Variants in TMEM116 observed in about 807,000 individuals in gnomAD.
The protein encoded by TMEM116 is transmembrane protein 116.
In TMEM116, 38 loss-of-function variants were observed where a neutral mutation model predicts 44.3. The ratio of observed to expected loss-of-function variants is 0.86; its 90% CI spans 0.66 to 1.12. The LOEUF is 1.12. TMEM116 is among the 50% of genes most tolerant of loss of function. The probability of loss-of-function intolerance (pLI) is 0.00; values close to 1 mark genes in which losing one functional copy is unlikely to be tolerated. For synonymous variants in TMEM116, 132 were observed against 144.8 expected, an observed-to-expected ratio of 0.91 and a Z score of 0.64; for missense variants, 354 against 401.7, an observed-to-expected ratio of 0.88 and a Z score of 1.01.
Position 112,005,258 on chromosome 12 carries a change from TCA to T in TMEM116, c.11_12del (p.Leu4GlnfsTer16), listed in dbSNP as rs1300402991. The T allele has an allele frequency of 2.2e-6, 3 of 1,358,234 alleles. No individual in the cohort carries two copies. The highest frequency in any genetic ancestry group is 2.8e-6 in the Non-Finnish European group (3 of 1,061,220). The allele number at this position is 1,358,234 out of a possible 1,614,324, so 84.1% of individuals were successfully genotyped here. A position where few individuals can be genotyped will look rare whatever the true frequency, so the allele number is the denominator to read the frequency against. On this transcript the variant is annotated frameshift_variant and splice_region_variant, in exon 2 of 11. Coordinates refer to ENST00000552374, the MANE Select transcript of TMEM116 (RefSeq NM_001193531.2). LOFTEE classifies it high-confidence loss of function. MAT[L>X]SVIGSSSLIA... ...TTATATGAGATTAAATAAACATACC[TCA>T]GAGTAGCCATGACAAATTGTATCCA...
intron 5 of TMEM116, among the ~76,000 whole-genome samples, chr12:111,941,262 G>A (rs958951561): frequency 9.9e-5 from 15 of 151,968 alleles, no homozygotes; most frequent in Admixed American, 2.6e-4. Flanking sequence ...TGTAATCCTA[G>A]CTACTTGGGG....
intron 4 of TMEM116, among the ~76,000 whole-genome samples, chr12:111,949,359 A>C (rs1398588517): frequency 6.6e-6 from 1 of 152,210 alleles, no homozygotes; most frequent in East Asian, 1.9e-4. Flanking sequence ...AATGGAATAC[A>C]ATTTAAAACA....
At position 111,951,952 on chromosome 12, in the gene TMEM116, G is replaced by A. The variant is rs553524286; in HGVS notation, c.211-8583C>T. Among the ~76,000 whole-genome samples, 25 of 151,886 alleles carry A rather than the reference G, an allele frequency of 1.6e-4. No homozygotes were observed. The East Asian group carries it at 4.3e-3, about 26-fold the overall frequency. ...AGTGGCTGGGCACGGTGGCTTGGCC[G>A]GGTGCGGTGGCTCATGCCTGTAATC... On this transcript the variant is annotated intron_variant, in intron 4 of 10. Coordinates refer to ENST00000552374, the MANE Select transcript of TMEM116 (RefSeq NM_001193531.2).
chr12:111,994,627 T>C (rs2076827788), intron 3 of TMEM116, among the ~76,000 whole-genome samples: 1 of 152,186 alleles, frequency 6.6e-6, no homozygotes, highest in Non-Finnish European at 1.5e-5. Context: ...AAGTACAGTA[T>C]ACAGAGATAA....
Position 111,931,685 on chromosome 12 carries a change from C to A in TMEM116, c.950G>T (p.Ser317Ile), listed in dbSNP as rs773007569. 3.2e-5 allele frequency: 51 copies of A among 1,614,018 alleles called. No individual in the cohort carries two copies. The highest frequency in any genetic ancestry group is 4.2e-5 in the Non-Finnish European group (49 of 1,180,020). ...PLLCSQKRFY[S>I]RGLNSLESTL... is the part of the protein sequence containing the mutation. Reference sequence around the variant, plus strand: ...GGATTCCAGTGAATTTAAGCCCCTGCTATAGAATCTCTTCTGTGAGCATAA... The same window carrying A: ...GGATTCCAGTGAATTTAAGCCCCTGATATAGAATCTCTTCTGTGAGCATAA... Residue 317 changes from serine (S) to isoleucine (I), a missense_variant, in exon 11 of 11, where the codon AGC becomes ATC. Physicochemically the swap from Ser to Ile is moderately radical, Grantham distance 142. Transcript: ENST00000552374.
chr12:111,932,783 G>A (rs1224307242), intron 9 of TMEM116, 124 bp from the exon 10 acceptor site: 6 of 739,010 alleles, frequency 8.1e-6, no homozygotes, highest in Admixed American at 2.3e-5. Flanking sequence ...CATCAGTGAC[G>A]TTAACTTGTT....
intron 4 of TMEM116, among the ~76,000 whole-genome samples, chr12:111,967,636 C>A (rs978982142): frequency 6.6e-6 from 1 of 151,960 alleles, no homozygotes; most frequent in Non-Finnish European, 1.5e-5. Flanking sequence ...TTGCACCTAA[C>A]AACTATAATA....
intron 4 of TMEM116, among the ~76,000 whole-genome samples, chr12:111,944,105 A>G (rs777395163): frequency 2.0e-5 from 3 of 152,110 alleles, no homozygotes; most frequent in Non-Finnish European, 4.4e-5. Flanking sequence ...TTTTTAAAAA[A>G]TCCTTAAAAG....
chr12:111,948,502 G>C (rs2073455057), intron 4 of TMEM116, among the ~76,000 whole-genome samples: 1 of 152,164 alleles, frequency 6.6e-6, no homozygotes, highest in South Asian at 2.1e-4. Flanking sequence ...ATCAATAGTA[G>C]GTAGTCAGTA....
chr12:111,950,002 C>G lies in TMEM116; in HGVS notation c.211-6633G>C, dbSNP rs1717003354. ...TGGTAGTGCACACCTGTAGTCCCTG[C>G]TACTCAAGAGGCTGAGGCAGGAGAA... is the stretch of plus-strand genomic sequence containing the variant. On this transcript the variant is annotated intron_variant, in intron 4 of 10. Coordinates refer to ENST00000552374, the MANE Select transcript of TMEM116 (RefSeq NM_001193531.2). Among the ~76,000 whole-genome samples the G allele has an allele frequency of 2.0e-5, 3 of 152,078 alleles. No homozygotes were observed. The South Asian group carries it at 6.2e-4, about 32-fold the overall frequency.
At chr12:111,934,204 A>G (rs2071929869) in intron 8 of TMEM116, 174 bp from the exon 9 acceptor site, 1 of 736,490 alleles carries the variant, frequency 1.4e-6, no homozygotes, top group African/African-American at 1.8e-5. Context: ...AATTACCTTC[A>G]GAGTGAACTT....
chr12:111,991,425 G>A (rs1055600359), intron 4 of TMEM116, among the ~76,000 whole-genome samples: 9 of 151,094 alleles, frequency 6.0e-5, no homozygotes, highest in Non-Finnish European at 8.8e-5. Flanking sequence ...TCGGGAGGCT[G>A]AGGCAGGAGA....
chr12:111,975,807 T>C (rs1319920082), intron 4 of TMEM116, among the ~76,000 whole-genome samples: 7 of 150,534 alleles, frequency 4.7e-5, no homozygotes, highest in Non-Finnish European at 1.0e-4. Context: ...AAAAAAACAC[T>C]GAGAAAAAGT....
intron 8 of TMEM116, chr12:111,935,472 C>T (rs2072069625): frequency 6.6e-6 from 1 of 152,036 alleles, no homozygotes; most frequent in Admixed American, 6.6e-5. Context: ...TCTAAAGAAG[C>T]AATCAGGAAT....
At chr12:111,955,499 G>C (rs2074019110) in intron 4 of TMEM116, among the ~76,000 whole-genome samples, 2 of 152,198 alleles carry the variant, frequency 1.3e-5, no homozygotes, top group African/African-American at 4.8e-5. Flanking sequence ...AAAAAAATCT[G>C]AGGTTTGACC....
chr12:111,989,435 C>A (rs1056276651), intron 4 of TMEM116, among the ~76,000 whole-genome samples: 1 of 152,196 alleles, frequency 6.6e-6, no homozygotes, highest in Non-Finnish European at 1.5e-5. Context: ...GTCTACTATG[C>A]GTGTGCATGA....
chr12:111,937,279 T>C, intron 6 of TMEM116, 36 bp from the exon 7 acceptor site: 1 of 1,505,496 alleles, frequency 6.6e-7, no homozygotes, highest in Non-Finnish European at 9.2e-7. Context: ...TAATATCCAC[T>C]CTTTTTCATG....
chr12:111,946,264 G>GAC (rs1162125722), intron 4 of TMEM116, among the ~76,000 whole-genome samples: 1 of 152,176 alleles, frequency 6.6e-6, no homozygotes, highest in African/African-American at 2.4e-5. Context: ...AGGAATTAAA[G>GAC]ACACACACAC....
At chr12:111,998,584 C>T (rs1490380709) in intron 3 of TMEM116, among the ~76,000 whole-genome samples, 2 of 152,082 alleles carry the variant, frequency 1.3e-5, no homozygotes, top group Non-Finnish European at 2.9e-5. Flanking sequence ...TTTGGGAGGC[C>T]GAGGCGAGCA....
Sources: gnomAD v4.1 joint callset for allele counts (sites outside exome capture counted in the v4.1 genomes callset) on GRCh38, gnomAD v4.1.1 for gene constraint, MANE v1.5 for transcripts, NCBI Gene and HGNC (gene_info 2026-07-23, HGNC 2026-07-21) for gene names.